Variants in C14orf39 observed in about 807,000 individuals in gnomAD.
C14orf39 encodes the protein chromosome 14 open reading frame 39.
C14orf39 carries 66 observed loss-of-function variants against 85.6 expected under a neutral mutation model. The ratio of observed to expected loss-of-function variants is 0.77; its 90% CI spans 0.63 to 0.95. The LOEUF (loss-of-function observed/expected upper bound fraction) is 0.95, where lower values mean the gene tolerates loss of function less well. Ranked by LOEUF, C14orf39 falls within the 40% of genes least tolerant of loss-of-function variation. The pLI, the probability that C14orf39 is intolerant of heterozygous loss-of-function variation, is 0.00. For missense variants in C14orf39, 735 were observed against 663.9 expected, an observed-to-expected ratio of 1.11 and a Z score of -1.18; for synonymous variants, 242 against 214.0, an observed-to-expected ratio of 1.13 and a Z score of -1.14.
intron 1 of C14orf39, among the ~76,000 whole-genome samples, chr14:60,501,119 T>C (rs150044272): frequency 0.013 from 1,941 of 151,834 alleles, 18 homozygotes; most frequent in South Asian, 0.027. Flanking sequence ...CTAGGCAATA[T>C]AGAGAGACCC....
intron 1 of C14orf39, among the ~76,000 whole-genome samples, chr14:60,508,570 C>T (rs1396528832): frequency 6.6e-6 from 1 of 152,138 alleles, no homozygotes; most frequent in Non-Finnish European, 1.5e-5. Flanking sequence ...TTCTACAGAT[C>T]CCTGGTCCTG....
chr14:60,463,075 T>A (rs1444156530), intron 11 of C14orf39, among the ~76,000 whole-genome samples: 2 of 152,150 alleles, frequency 1.3e-5, no homozygotes, highest in African/African-American at 4.8e-5. Flanking sequence ...TGTACCAAAT[T>A]ACACTTCCAC....
Position 60,483,745 on chromosome 14 carries a change from T to C in C14orf39, c.179A>G (p.Glu60Gly), listed in dbSNP as rs1251069959. The stretch of plus-strand genomic sequence containing the variant: ...ATGTTTACAGTAATGATCAATTTCC[T>C]CATCTGTTGCATTTATAGTTTCGTG... ...RIHETINATD[E>G]EIDHYCKHSE... The change falls in exon 4 of 18, where the codon GAG becomes GGG. Residue 60 changes from glutamate (E) to glycine (G), a missense_variant. Coordinates refer to ENST00000321731, the MANE Select transcript of C14orf39 (RefSeq NM_174978.3). 1 of 1,591,970 alleles carries C rather than the reference T, an allele frequency of 6.3e-7. No homozygotes were observed. The highest frequency in any genetic ancestry group is 8.6e-7 in the Non-Finnish European group (1 of 1,162,326).
Position 60,461,534 on chromosome 14 carries a change from T to A in C14orf39, c.1032A>T (p.Thr344=), listed in dbSNP as rs144842230. 51 of 1,592,282 alleles carry A rather than the reference T, an allele frequency of 3.2e-5. 2 individuals carry two copies. In the African/African-American group the frequency reaches 6.2e-4, roughly 19 times the overall value. Residue 344 remains threonine (T), a synonymous_variant, in exon 12 of 18, where the codon ACA becomes ACT. Transcript: ENST00000321731. ...TGACTTGCATAAACTTTTGTGAACTTGTGATAGTCGTAATATGTGAACATT... is the reference window on the plus strand; with the variant it reads ...TGACTTGCATAAACTTTTGTGAACTAGTGATAGTCGTAATATGTGAACATT... The part of the protein sequence containing the change: ...HSKCSHITTI[T]SSQKFMQVRL...
At position 60,484,783 on chromosome 14, in the gene C14orf39, T is replaced by C. The variant is rs1595488540; in HGVS notation, c.106+98A>G. 6.0e-6 allele frequency: 5 copies of C among 830,560 alleles called. No individual in the cohort carries two copies. In the East Asian group the frequency reaches 1.3e-4, roughly 22 times the overall value. 51.4% of individuals were successfully genotyped at this position (830,560 alleles called of 1,614,324 possible). ...CTAGAGAGAACTGACACAAAAGTTATAACGCCAACAATAAGTTGCCCTAAA... is the reference window on the plus strand; with the variant it reads ...CTAGAGAGAACTGACACAAAAGTTACAACGCCAACAATAAGTTGCCCTAAA... On this transcript the variant is annotated intron_variant, in intron 3 of 17. Transcript: ENST00000321731. The surrounding 1 kb of genome is among the most constrained non-coding windows in gnomAD (Gnocchi z 4.2).
At chr14:60,439,189 T>C (rs1446651011) in intron 17 of C14orf39, among the ~76,000 whole-genome samples, 1 of 152,182 alleles carries the variant, frequency 6.6e-6, no homozygotes, top group Non-Finnish European at 1.5e-5. Context: ...TACAACTATA[T>C]ACCAATAAAA....
At chr14:60,446,677 G>C (rs552795450) in intron 16 of C14orf39, among the ~76,000 whole-genome samples, 10 of 152,180 alleles carry the variant, frequency 6.6e-5, no homozygotes, top group Admixed American at 2.0e-4. Flanking sequence ...GAATAAAAGG[G>C]AATCCCCCAT....
At chr14:60,463,633 C>T (rs1286492609) in intron 11 of C14orf39, among the ~76,000 whole-genome samples, 1 of 152,124 alleles carries the variant, frequency 6.6e-6, no homozygotes, top group South Asian at 2.1e-4. Context: ...AAATAATGAA[C>T]ATTTTGACAT....
chr14:60,509,735 T>C (rs1877782815), intron 1 of C14orf39: 1 of 1,613,662 alleles, frequency 6.2e-7, no homozygotes, highest in South Asian at 1.1e-5. Flanking sequence ...TGTGGACAAG[T>C]ACCGAGTAAG....
intron 10 of C14orf39, 69 bp downstream of exon 10, chr14:60,466,848 G>A: frequency 8.4e-7 from 1 of 1,197,340 alleles, no homozygotes; most frequent in Non-Finnish European, 1.1e-6. Flanking sequence ...AAATAAAATT[G>A]CTTCCTTCTA....
intron 16 of C14orf39, among the ~76,000 whole-genome samples, chr14:60,450,465 G>C (rs1357269502): frequency 6.6e-6 from 1 of 152,268 alleles, no homozygotes; most frequent in Middle Eastern, 3.4e-3. Context: ...GAAGGACTTT[G>C]TATTGTGGTT....
chr14:60,458,241 T>C (rs989287646), intron 14 of C14orf39, among the ~76,000 whole-genome samples: 1 of 151,934 alleles, frequency 6.6e-6, no homozygotes, highest in African/African-American at 2.4e-5. Context: ...TATATAGTTG[T>C]ATCCATTAAT....
chr14:60,438,307 C>A (rs765082936), intron 17 of C14orf39, among the ~76,000 whole-genome samples: 21 of 152,102 alleles, frequency 1.4e-4, no homozygotes, highest in Non-Finnish European at 2.9e-4. Flanking sequence ...TGTTCTTCCC[C>A]TCTCCCTTTC....
intron 1 of C14orf39, among the ~76,000 whole-genome samples, chr14:60,510,603 A>G (rs1023677141): frequency 6.6e-6 from 1 of 152,054 alleles, no homozygotes; most frequent in African/African-American, 2.4e-5. Context: ...CCCAGGCCCA[A>G]ATGCTCCTTA....
At chr14:60,473,477 C>T (rs1477818429) in intron 5 of C14orf39, among the ~76,000 whole-genome samples, 1 of 152,132 alleles carries the variant, frequency 6.6e-6, no homozygotes, top group Non-Finnish European at 1.5e-5. Flanking sequence ...GAAGTCCTTG[C>T]CCAGCCTATG....
chr14:60,490,284 G>C (rs777402159), upstream of C14orf39, among the ~76,000 whole-genome samples: 11 of 152,048 alleles, frequency 7.2e-5, no homozygotes, highest in Admixed American at 1.3e-4. Context: ...AATTCTGGCT[G>C]ATTTAAGCAA....
At chr14:60,496,294 C>T in intron 2 of C14orf39, 1 of 366,760 alleles carries the variant, frequency 2.7e-6, no homozygotes. Context: ...ACTGTTGGTG[C>T]CAGCCACAGA....
At position 60,485,106 on chromosome 14, in the gene C14orf39, A is replaced by G. The variant is rs1892820802; in HGVS notation, c.-8-20T>C. 1 of 1,580,244 alleles carries G rather than the reference A, an allele frequency of 6.3e-7. No homozygotes were observed. The highest frequency in any genetic ancestry group is 8.6e-7 in the Non-Finnish European group (1 of 1,167,388). On this transcript the variant is annotated intron_variant, in intron 1 of 17. Transcript: ENST00000321731. Reference sequence around the variant, plus strand: ...TGGATACTATGTTAAATGAAAAAAAAAATTATAAGATTTTCTGAAGTCGTA... The same window carrying G: ...TGGATACTATGTTAAATGAAAAAAAGAATTATAAGATTTTCTGAAGTCGTA...
Position 60,484,884 on chromosome 14 carries a change from T to C in C14orf39, c.103A>G (p.Asn35Asp), listed in dbSNP as rs1892809269. The C allele has an allele frequency of 1.9e-6, 3 of 1,557,700 alleles. No homozygotes were observed. The highest frequency in any genetic ancestry group is 2.8e-5 in the African/African-American group (2 of 72,646). Residue 35 changes from asparagine (N) to aspartate (D), a missense_variant, in exon 3 of 18, where the codon AAT (asparagine) becomes GAT (aspartate). Physicochemically the swap from Asn to Asp is conservative, Grantham distance 23. Coordinates refer to ENST00000321731, the MANE Select transcript of C14orf39 (RefSeq NM_174978.3). This position sits in a 1 kb window ranked among gnomAD's most constrained non-coding sequence, Gnocchi z 4.2. ...STKEEMIQRINKCCEDIKENK... is the reference protein window; with the variant it reads ...STKEEMIQRIDKCCEDIKENK... ...TTGATCATGCAAAGCTACTTACTAT[T>C]AATTCTTTGAATCATCTCTTCTTTA...
Sources: allele counts gnomAD v4.1 joint callset (sites outside exome capture counted in the v4.1 genomes callset), GRCh38; gene constraint gnomAD v4.1.1; non-coding constraint Gnocchi (gnomAD v3.1); transcripts MANE v1.5; gene names NCBI Gene and HGNC (gene_info 2026-07-23, HGNC 2026-07-21).